Variants in CRNKL1 observed in about 807,000 individuals in gnomAD.
CRNKL1 encodes crooked neck-like protein 1.
Under a neutral mutation model 103.7 loss-of-function variants are expected in CRNKL1, and 35 were observed. The observed-to-expected ratio is 0.34, with a 90% CI of 0.26 to 0.45. The LOEUF is 0.45. CRNKL1 is among the 20% of genes least tolerant of loss of function. The pLI, the probability that CRNKL1 is intolerant of heterozygous loss-of-function variation, is 1.00. For synonymous variants in CRNKL1, 267 were observed against 282.6 expected (o/e 0.94, Z 0.55); for missense variants, 645 against 836.0 (o/e 0.77, Z 2.82).
rs777541355 is a variant in CRNKL1 at position 20,037,294 on chromosome 20, G to C, written c.1896+29C>G. 3 of 1,602,788 alleles carry C rather than the reference G, an allele frequency of 1.9e-6. No homozygotes were observed. In the Admixed American group the frequency reaches 5.1e-5, roughly 27 times the overall value. ...AAGTGTTTCTACTCATGTGACGTGA[G>C]ATGAACAGTCCCAGGGCAGAGTTCT... On this transcript the variant is annotated intron_variant, in intron 13 of 13. Transcript: ENST00000536226.
chr20:20,052,802 C>G, upstream of CRNKL1: 2 of 1,389,526 alleles, frequency 1.4e-6, no homozygotes, highest in African/African-American at 1.4e-5. Context: ...ACTACCATTC[C>G]CAGCATGCGA....
chr20:20,039,938 A>C (rs941330360), intron 10 of CRNKL1, 90 bp from the exon 11 acceptor site: 2 of 1,367,394 alleles, frequency 1.5e-6, no homozygotes, highest in African/African-American at 2.9e-5. Flanking sequence ...TTCTCTGCTG[A>C]GGAAGAATCT....
intron 13 of CRNKL1, 48 bp from the exon 14 acceptor site, chr20:20,036,410 C>A: frequency 6.4e-7 from 1 of 1,568,478 alleles, no homozygotes; most frequent in Non-Finnish European, 8.7e-7. Flanking sequence ...GTGATATACT[C>A]ACATATCAGA....
chr20:20,049,487 C>A, intron 2 of CRNKL1, 56 bp from the exon 3 acceptor site: 1 of 881,150 alleles, frequency 1.1e-6, no homozygotes, highest in South Asian at 1.5e-5. Flanking sequence ...AATGACAGCA[C>A]CCTTGGTCTA....
chr20:20,054,719 G>C (rs2044161413), upstream of CRNKL1, among the ~76,000 whole-genome samples: 4 of 152,132 alleles, frequency 2.6e-5, no homozygotes, highest in Admixed American at 2.0e-4. Context: ...CGTGCTACTG[G>C]CTTCTAATGT....
rs768469056 is a variant in CRNKL1, at chr20:20,039,654, T to TGCC, written c.1497_1499dup (p.Ala500dup). 6.2e-7 allele frequency: 1 copy of TGCC among 1,614,220 alleles called. No homozygotes were observed. Among genetic ancestry groups the TGCC allele is most frequent in the Admixed American group, 1.7e-5 (1 of 60,030 alleles). On this transcript the variant is annotated inframe_insertion, in exon 11 of 14. Coordinates refer to ENST00000536226, the MANE Select transcript of CRNKL1 (RefSeq NM_001278628.2). ...GCTGACTGATGGCTAATTCATAGAT[T>TGCC]GCCCGTGCTCTGTCAATATCACCAA...
chr20:20,038,252 AAAC>A lies in CRNKL1; in HGVS notation c.1647+94_1647+96del, dbSNP rs1459848183. On this transcript the variant is annotated intron_variant, in intron 12 of 13. Coordinates refer to ENST00000536226, the MANE Select transcript of CRNKL1 (RefSeq NM_001278628.2). ...AAGGAAGTCATTAAAAAAAAAAAAA[AAAC>A]AAAAACCCAAACACTTAAAATACAG... 2.0e-4 allele frequency: 147 copies of A among 746,434 alleles called. No individual in the cohort carries two copies. The African/African-American group carries it at 2.2e-3, about 11-fold the overall frequency. 46.2% of individuals were successfully genotyped at this position (746,434 alleles called of 1,614,324 possible). A position where few individuals can be genotyped will look rare whatever the true frequency, so the allele number is the denominator to read the frequency against.
upstream of CRNKL1, chr20:20,052,782 G>A (rs1190345166): frequency 1.3e-6 from 2 of 1,481,686 alleles, no homozygotes; most frequent in African/African-American, 1.4e-5. Flanking sequence ...GAAGAAGGGA[G>A]AGCGAGGAAA....
intron 6 of CRNKL1, among the ~76,000 whole-genome samples, chr20:20,044,150 G>A (rs764609334): frequency 1.3e-5 from 2 of 152,122 alleles, no homozygotes; most frequent in African/African-American, 2.4e-5. Context: ...AAACTCCACT[G>A]TTCACCTGGC....
chr20:20,052,576 T>G (rs889025020), upstream of CRNKL1: 1 of 1,613,910 alleles, frequency 6.2e-7, no homozygotes, highest in Non-Finnish European at 8.5e-7. Context: ...TGCGGCGTCC[T>G]GGAGCTGCGG....
Position 20,039,667 on chromosome 20 carries a change from T to C in CRNKL1, c.1487A>G (p.Asp496Gly). The C allele has an allele frequency of 6.2e-7, 1 of 1,614,196 alleles. No homozygotes were observed. The highest frequency in any genetic ancestry group is 8.5e-7 in the Non-Finnish European group (1 of 1,180,030). ...AELETILGDI[D>G]RARAIYELAI... ...TAATTCATAGATTGCCCGTGCTCTG[T>C]CAATATCACCAAGGATTGTCTCTAA... Residue 496 changes from aspartate to glycine, a missense_variant, in exon 11 of 14, where the codon GAC becomes GGC. By Grantham distance (94) the Asp-to-Gly change is moderately conservative. Around this residue, in one of 2 missense-constraint regions of CRNKL1, gnomAD observed 582 missense variants for 707.7 expected, o/e 0.82. Coordinates refer to ENST00000536226, the MANE Select transcript of CRNKL1 (RefSeq NM_001278628.2).
upstream of CRNKL1, chr20:20,052,732 A>G (rs1277040195): frequency 1.3e-6 from 2 of 1,594,048 alleles, no homozygotes; most frequent in South Asian, 1.1e-5. Flanking sequence ...CCTGCAAGGG[A>G]GTAAGAACGG....
chr20:20,054,177 A>G (rs568155784), upstream of CRNKL1, among the ~76,000 whole-genome samples: 8 of 151,436 alleles, frequency 5.3e-5, no homozygotes, highest in South Asian at 1.7e-3. Flanking sequence ...ACCATCTCCT[A>G]GTTCTTTCTA....
upstream of CRNKL1, among the ~76,000 whole-genome samples, chr20:20,055,685 A>G (rs1010836708): frequency 2.0e-5 from 3 of 152,216 alleles, no homozygotes; most frequent in Non-Finnish European, 4.4e-5. Flanking sequence ...TTAGTTTATG[A>G]TATGTTTCAC....
At chr20:20,041,687 A>T in intron 8 of CRNKL1, 62 bp from the exon 9 acceptor site, 1 of 1,248,176 alleles carries the variant, frequency 8.0e-7, no homozygotes, top group Non-Finnish European at 1.2e-6. Flanking sequence ...TCATTTTACT[A>T]GTTACTAATT....
At chr20:20,049,546 G>A in intron 2 of CRNKL1, 115 bp from the exon 3 acceptor site, 1 of 596,754 alleles carries the variant, frequency 1.7e-6, no homozygotes, top group Non-Finnish European at 2.9e-6. Context: ...ATATTTAAGA[G>A]AAATTACATC....
intron 6 of CRNKL1, among the ~76,000 whole-genome samples, chr20:20,044,256 A>G (rs913994013): frequency 3.3e-5 from 5 of 152,146 alleles, no homozygotes; most frequent in Non-Finnish European, 7.4e-5. Context: ...TCTCCTTAAA[A>G]TATAAATCAT....
chr20:20,052,088 A>C (rs974902516), intron 1 of CRNKL1, among the ~76,000 whole-genome samples: 1 of 151,644 alleles, frequency 6.6e-6, no homozygotes, highest in African/African-American at 2.4e-5. Flanking sequence ...CAGCAAAACC[A>C]CCCCAGAACG....
chr20:20,041,539 A>C (rs781650943), intron 9 of CRNKL1, 27 bp downstream of exon 9: 2 of 1,575,272 alleles, frequency 1.3e-6, no homozygotes, highest in East Asian at 4.5e-5. Flanking sequence ...GACCTGTTTG[A>C]AATGGAACAC....
Sources: gnomAD v4.1 joint callset for allele counts (sites outside exome capture counted in the v4.1 genomes callset) on GRCh38, gnomAD v4.1.1 for gene constraint, gnomAD v4.1.1 regional missense constraint, MANE v1.5 for transcripts, NCBI Gene and HGNC (gene_info 2026-07-23, HGNC 2026-07-21) for gene names.